TMEM9B: variants seen among roughly 807,000 people sequenced by gnomAD.
The protein encoded by TMEM9B is transmembrane protein 9B.
A neutral mutation model predicts 23.5 loss-of-function variants in TMEM9B; 8 were observed. That is an observed-to-expected ratio of 0.34 (90% CI 0.20 to 0.61). The LOEUF is 0.61. TMEM9B is among the 20% of genes least tolerant of loss of function. The pLI is 0.78. For synonymous variants in TMEM9B, 106 were observed against 96.3 expected (o/e 1.10, Z -0.59); for missense variants, 197 against 252.3 (o/e 0.78, Z 1.49).
chr11:8,952,247 T>TACACACACACACAC (rs760980883), intron 4 of TMEM9B, among the ~76,000 whole-genome samples: 21 of 38,984 alleles, frequency 5.4e-4, no homozygotes, highest in African/African-American at 1.0e-3. Flanking sequence ...ATGCCAACTA[T>TACACACACACACAC]ATACACACAC....
In TMEM9B at chr11:8,961,975, T is replaced by C. The variant is rs1854091281; in HGVS notation, c.197+117A>G. On this transcript the variant is annotated intron_variant, in intron 2 of 4. Transcript: ENST00000534025. ...TTTCAAATGGAAGTAGAATTTCACA[T>C]TTTTGCTTCAAATGAAATACTTAAA... 3.4e-5 allele frequency: 23 copies of C among 679,976 alleles called. No homozygotes were observed. In the South Asian group the frequency reaches 4.8e-4, roughly 14 times the overall value. 42.1% of individuals were successfully genotyped at this position (679,976 alleles called of 1,614,324 possible).
chr11:8,953,514 G>T (rs1235471183), intron 3 of TMEM9B, among the ~76,000 whole-genome samples, 177 bp from the exon 4 acceptor site: 2 of 150,492 alleles, frequency 1.3e-5, no homozygotes, highest in East Asian at 2.0e-4. Context: ...AAGAAAAAAA[G>T]AGGAAAGATC....
In TMEM9B at chr11:8,948,446, A is replaced by G. The variant is rs749207604; in HGVS notation, c.471T>C (p.Asp157=). 96 of 1,613,944 alleles carry G rather than the reference A, an allele frequency of 5.9e-5. No individual in the cohort carries two copies. The East Asian group carries it at 2.0e-3, about 33-fold the overall frequency. The part of the protein sequence containing the change: ...GDHQPFANAH[D]VLARSRSRAN... ...CTCGACTGCGGGAGCGGGCTAGCACATCGTGTGCATTTGCAAAAGGCTGGT... is the reference window on the plus strand; with the variant it reads ...CTCGACTGCGGGAGCGGGCTAGCACGTCGTGTGCATTTGCAAAAGGCTGGT... Residue 157 remains aspartate, a synonymous_variant, in exon 5 of 5, where the codon GAT becomes GAC. Coordinates refer to ENST00000534025, the MANE Select transcript of TMEM9B (RefSeq NM_020644.3).
chr11:8,954,800 T>G (rs1179462757), intron 3 of TMEM9B, among the ~76,000 whole-genome samples: 1 of 152,044 alleles, frequency 6.6e-6, no homozygotes, highest in Non-Finnish European at 1.5e-5. Flanking sequence ...CTATTATAAC[T>G]AACCACCCCA....
chr11:8,952,978 T>C, intron 4 of TMEM9B: 1 of 630,300 alleles, frequency 1.6e-6, no homozygotes, highest in Non-Finnish European at 2.8e-6. Context: ...AGGCCCTGTA[T>C]AGCATGCTCA....
intron 2 of TMEM9B, among the ~76,000 whole-genome samples, chr11:8,956,968 T>C (rs1442554211): frequency 6.6e-6 from 1 of 152,166 alleles, no homozygotes; most frequent in East Asian, 1.9e-4. Flanking sequence ...GATCCTCCTA[T>C]CTTGGCCTCC....
At chr11:8,964,448 C>T, upstream of TMEM9B, 2 of 1,423,406 alleles carry the variant, frequency 1.4e-6, no homozygotes, top group Non-Finnish European at 1.8e-6. Flanking sequence ...CGTCTGGACG[C>T]GAAGGCGTCA....
chr11:8,956,129 C>G, intron 3 of TMEM9B, 61 bp downstream of exon 3: 1 of 1,508,028 alleles, frequency 6.6e-7, no homozygotes, highest in East Asian at 2.3e-5. Context: ...AGAAACCATC[C>G]AGAAGCAGAA....
chr11:8,964,395 G>GCT lies in TMEM9B; in HGVS notation c.-83_-82insAG. 1 of 1,512,752 alleles carries GCT rather than the reference G, an allele frequency of 6.6e-7. No individual in the cohort carries two copies. The highest frequency in any genetic ancestry group is 1.4e-5 in the African/African-American group (1 of 71,064). The allele number at this position is 1,512,752 out of a possible 1,614,324, so 93.7% of individuals were successfully genotyped here. A position where few individuals can be genotyped will look rare whatever the true frequency, so the allele number is the denominator to read the frequency against. On this transcript the variant is annotated 5_prime_UTR_variant, in exon 1 of 5. Coordinates refer to ENST00000534025, the MANE Select transcript of TMEM9B (RefSeq NM_020644.3). The stretch of plus-strand genomic sequence containing the variant: ...GGCTCAGGCTCAGGCTCAGGCTCAG[G>GCT]CACAGGCTTGGGACCCGGCTGGGGA...
chr11:8,964,419 G>C lies in TMEM9B; in HGVS notation c.-106C>G. ...GGCACAGGCTTGGGACCCGGCTGGGGATCCTCCGCCCGCACTTCCGTCTGG... is the reference window on the plus strand; with the variant it reads ...GGCACAGGCTTGGGACCCGGCTGGGCATCCTCCGCCCGCACTTCCGTCTGG... On this transcript the variant is annotated 5_prime_UTR_variant, in exon 1 of 5. In the 5' UTR this introduces an upstream ATG that the reference lacks. Transcript: ENST00000534025. 1 of 1,444,132 alleles carries C rather than the reference G, an allele frequency of 6.9e-7. No individual in the cohort carries two copies. The highest frequency in any genetic ancestry group is 9.1e-7 in the Non-Finnish European group (1 of 1,104,484). The allele number at this position is 1,444,132 out of a possible 1,614,324, so 89.5% of individuals were successfully genotyped here.
rs960971189 is a variant in TMEM9B at position 8,947,309 on chromosome 11, A to G, written c.*1011T>C. ...TACACTGATGGATGTTTCAAAAATTATTTTTATTGTTACATTCCAAAGAGG... is the reference window on the plus strand; with the variant it reads ...TACACTGATGGATGTTTCAAAAATTGTTTTTATTGTTACATTCCAAAGAGG... On this transcript the variant is annotated 3_prime_UTR_variant, in exon 5 of 5. Coordinates refer to ENST00000534025, the MANE Select transcript of TMEM9B (RefSeq NM_020644.3). The G allele has an allele frequency of 1.4e-5, 2 of 140,456 alleles. No individual in the cohort carries two copies. Among genetic ancestry groups the G allele is most frequent in the Non-Finnish European group, 3.1e-5 (2 of 64,436 alleles). The allele number at this position is 140,456 out of a possible 1,614,324, so 8.7% of individuals were successfully genotyped here.
In TMEM9B at chr11:8,952,285, A is replaced by ACATGC. The variant is rs1566121935; in HGVS notation, c.441+917_441+918insGCATG. The stretch of plus-strand genomic sequence containing the variant: ...ACACACACACACACACACACGCTAT[A>ACATGC]TATATATATATATAAACATATATAA... On this transcript the variant is annotated intron_variant, in intron 4 of 4. Coordinates refer to ENST00000534025, the MANE Select transcript of TMEM9B (RefSeq NM_020644.3). Among the ~76,000 whole-genome samples the ACATGC allele has an allele frequency of 2.4e-3, 218 of 89,584 alleles. 1 individual carries two copies. Among genetic ancestry groups the ACATGC allele is most frequent in the African/African-American group, 7.1e-3 (180 of 25,338 alleles). The allele number at this position is 89,584 out of a possible 152,430, so 58.8% of individuals were successfully genotyped here.
At chr11:8,964,559 G>T (rs2134882542), upstream of TMEM9B, 2 of 1,152,062 alleles carry the variant, frequency 1.7e-6, no homozygotes, top group Non-Finnish European at 1.1e-6. Flanking sequence ...CCTTGGCCTA[G>T]CCCCGGCCCC....
intron 2 of TMEM9B, among the ~76,000 whole-genome samples, chr11:8,956,501 A>G (rs1275933928): frequency 6.6e-6 from 1 of 152,148 alleles, no homozygotes; most frequent in East Asian, 1.9e-4. Context: ...AGAAGCCACA[A>G]AGTCACACAT....
chr11:8,964,139 A>T (rs1029065966), intron 1 of TMEM9B, 70 bp downstream of exon 1: 39 of 1,473,530 alleles, frequency 2.6e-5, no homozygotes, highest in Non-Finnish European at 3.4e-5. Flanking sequence ...GCAGGTTGGC[A>T]GACCCAGTTT....
intron 4 of TMEM9B, 97 bp from the exon 5 acceptor site, chr11:8,948,572 T>C: frequency 7.1e-7 from 1 of 1,410,046 alleles, no homozygotes; most frequent in Non-Finnish European, 9.6e-7. Flanking sequence ...TAGGGGTAGG[T>C]GGACTTTTCA....
intron 3 of TMEM9B, among the ~76,000 whole-genome samples, chr11:8,955,686 T>G (rs190015622): frequency 6.6e-6 from 1 of 151,064 alleles, no homozygotes; most frequent in Non-Finnish European, 1.5e-5. Flanking sequence ...GGAGCAGCTG[T>G]AAATAAGATG....
At chr11:8,956,125 C>T in intron 3 of TMEM9B, 65 bp downstream of exon 3, 2 of 1,479,452 alleles carry the variant, frequency 1.4e-6, no homozygotes, top group Non-Finnish European at 1.8e-6. Context: ...GTCTAGAAAC[C>T]ATCCAGAAGC....
At chr11:8,956,442 A>AAT (rs367636970) in intron 2 of TMEM9B, 144 bp from the exon 3 acceptor site, 5 of 615,118 alleles carry the variant, frequency 8.1e-6, no homozygotes, top group African/African-American at 7.4e-5. Flanking sequence ...GATAAAGTAA[A>AAT]ATAATTTCTG....
Sources: allele counts gnomAD v4.1 joint callset (sites outside exome capture counted in the v4.1 genomes callset), GRCh38; gene constraint gnomAD v4.1.1; transcripts MANE v1.5; gene names NCBI Gene and HGNC (gene_info 2026-07-23, HGNC 2026-07-21).